Variants in BFAR observed in about 807,000 individuals in gnomAD.
BFAR encodes bifunctional apoptosis regulator.
BFAR carries 52 observed loss-of-function variants against 54.4 expected under a neutral mutation model. The ratio of observed to expected loss-of-function variants is 0.96; its 90% CI spans 0.77 to 1.21. The LOEUF is 1.21. BFAR is among the 50% of genes most tolerant of loss of function. The pLI, the probability that BFAR is intolerant of heterozygous loss-of-function variation, is 0.00. For missense variants in BFAR, 571 were observed against 534.0 expected (o/e 1.07, Z -0.68); for synonymous variants, 215 against 204.3 (o/e 1.05, Z -0.45).
chr16:14,646,034 A>G (rs1237418664), intron 2 of BFAR, among the ~76,000 whole-genome samples: 1 of 151,894 alleles, frequency 6.6e-6, no homozygotes, highest in East Asian at 1.9e-4. Context: ...ACGCCCAGCT[A>G]ATTTTTGGGT....
At chr16:14,648,144 C>T (rs1357227501) in intron 2 of BFAR, among the ~76,000 whole-genome samples, 2 of 152,144 alleles carry the variant, frequency 1.3e-5, no homozygotes, top group Non-Finnish European at 2.9e-5. Context: ...CACGCCATTG[C>T]ACTCCAGCCT....
In BFAR at chr16:14,665,011, T is replaced by G. The variant is rs1960402973; in HGVS notation, c.1100T>G (p.Met367Arg). 1 of 1,614,112 alleles carries G rather than the reference T, an allele frequency of 6.2e-7. No individual in the cohort carries two copies. The highest frequency in any genetic ancestry group is 1.3e-5 in the African/African-American group (1 of 75,054). Residue 367 changes from methionine (M) to arginine (R), a missense_variant, in exon 7 of 8, where the codon ATG becomes AGG. Transcript: ENST00000261658. ...WTSRFLIINA[M>R]LLSVLELFSF... is the part of the protein sequence containing the mutation. ...TCACGGTTTCTCATCATCAATGCTA[T>G]GTTACTCTCAGTTCTGGAATTATTC... is the stretch of plus-strand genomic sequence containing the variant.
In BFAR at chr16:14,667,762, A is replaced by C. The variant is rs1297963867; in HGVS notation, c.1288A>C (p.Asn430His). The change falls in exon 8 of 8, where the codon AAC (asparagine) becomes CAC (histidine). Residue 430 changes from asparagine to histidine, a missense_variant. Transcript: ENST00000261658. ...NCLFYWALYFNPIINIDLVVK... is the reference protein window; with the variant it reads ...NCLFYWALYFHPIINIDLVVK... ...TTTGTTTTACTGGGCCCTGTACTTT[A>C]ACCCAATTATTAACATTGATCTTGT... 1 of 1,613,974 alleles carries C rather than the reference A, an allele frequency of 6.2e-7. No individual in the cohort carries two copies. Among genetic ancestry groups the C allele is most frequent in the Non-Finnish European group, 8.5e-7 (1 of 1,180,024 alleles).
In BFAR at chr16:14,644,592, A is replaced by G. The variant is rs775720675; in HGVS notation, c.246A>G (p.Lys82=). 8 of 1,613,710 alleles carry G rather than the reference A, an allele frequency of 5.0e-6. No homozygotes were observed. The East Asian group carries it at 1.6e-4, about 31-fold the overall frequency. ...ECREKWEGFP[K]VSILLRDAIE... ...GAGAAAAATGGGAAGGTTTCCCCAAAGTCAGTATTCTCCTCAGGTAATGTT... is the reference window on the plus strand; with the variant it reads ...GAGAAAAATGGGAAGGTTTCCCCAAGGTCAGTATTCTCCTCAGGTAATGTT... The change falls in exon 2 of 8, where the codon AAA becomes AAG. Residue 82 remains lysine (K), a synonymous_variant. Transcript: ENST00000261658.
At chr16:14,633,349 C>G (rs1175086184) in intron 1 of BFAR, 1 of 152,398 alleles carries the variant, frequency 6.6e-6, no homozygotes, top group African/African-American at 2.4e-5. Flanking sequence ...GAGGAGGGGT[C>G]GCTTCCAAAC....
chr16:14,652,181 A>C (rs1320610417), intron 4 of BFAR, among the ~76,000 whole-genome samples: 1 of 151,436 alleles, frequency 6.6e-6, no homozygotes, highest in African/African-American at 2.4e-5. Flanking sequence ...CCACCGTGCT[A>C]GGCCTCCAAC....
chr16:14,655,582 C>T lies in BFAR; in HGVS notation c.783+372C>T, dbSNP rs549471957. The stretch of plus-strand genomic sequence containing the variant: ...ACCAGCAGCTGGGATTACAGGCACA[C>T]GCCACCACACCAGGCTAATGTTTAT... On this transcript the variant is annotated intron_variant, in intron 5 of 7. Coordinates refer to ENST00000261658, the MANE Select transcript of BFAR (RefSeq NM_016561.3). 9.2e-5 allele frequency among the ~76,000 whole-genome samples: 14 copies of T among 151,630 alleles called. No homozygotes were observed. The South Asian group carries it at 2.1e-3, about 23-fold the overall frequency.
At chr16:14,640,151 CAA>C (rs549719277) in intron 1 of BFAR, among the ~76,000 whole-genome samples, 31 of 110,076 alleles carry the variant, frequency 2.8e-4, no homozygotes, top group Admixed American at 4.8e-4. Context: ...GACCTAGCTC[CAA>C]AAAAAAAAAA....
At chr16:14,643,023 A>G (rs1273607575) in intron 1 of BFAR, among the ~76,000 whole-genome samples, 2 of 152,146 alleles carry the variant, frequency 1.3e-5, no homozygotes, top group Non-Finnish European at 2.9e-5. Flanking sequence ...TAAAAATACA[A>G]AAATTAAAGC....
Position 14,669,232 on chromosome 16 carries a change from A to G in BFAR, c.*1405A>G. ...AAATAAAGATTTCTATATAGATAAA[A>G]CCTATATGTAGAGAAAAAGCAATTG... is the stretch of plus-strand genomic sequence containing the variant. On this transcript the variant is annotated 3_prime_UTR_variant, in exon 8 of 8. Coordinates refer to ENST00000261658, the MANE Select transcript of BFAR (RefSeq NM_016561.3). The G allele has an allele frequency of 3.9e-6, 1 of 256,998 alleles. No individual in the cohort carries two copies. The highest frequency in any genetic ancestry group is 8.1e-6 in the Non-Finnish European group (1 of 124,172). 15.9% of individuals were successfully genotyped at this position (256,998 alleles called of 1,614,324 possible).
intron 5 of BFAR, among the ~76,000 whole-genome samples, chr16:14,657,933 G>T (rs1260555570): frequency 6.6e-6 from 1 of 152,078 alleles, no homozygotes; most frequent in Non-Finnish European, 1.5e-5. Context: ...ATGTTGCCCA[G>T]GCTGGTCTCA....
intron 1 of BFAR, among the ~76,000 whole-genome samples, chr16:14,636,051 C>T (rs983611455): frequency 6.6e-6 from 1 of 152,108 alleles, no homozygotes; most frequent in Non-Finnish European, 1.5e-5. Flanking sequence ...TGGGTGTGCA[C>T]TCTAGATATT....
intron 1 of BFAR, among the ~76,000 whole-genome samples, chr16:14,641,434 TTAA>T (rs751089958): frequency 6.6e-6 from 1 of 151,948 alleles, no homozygotes. Flanking sequence ...TAGTTAATAA[TTAA>T]TAACCAGCAT....
At chr16:14,653,488 C>T (rs554696796) in intron 4 of BFAR, among the ~76,000 whole-genome samples, 10 of 151,962 alleles carry the variant, frequency 6.6e-5, no homozygotes, top group South Asian at 2.1e-4. Flanking sequence ...CCACCATGCC[C>T]GCCTAATTTG....
intron 3 of BFAR, among the ~76,000 whole-genome samples, chr16:14,649,569 G>A (rs556409439): frequency 6.6e-6 from 1 of 152,200 alleles, no homozygotes; most frequent in East Asian, 1.9e-4. Context: ...TCCTTTTCTC[G>A]CCTCTGTGCC....
chr16:14,665,219 G>A, intron 7 of BFAR, 148 bp downstream of exon 7: 1 of 756,630 alleles, frequency 1.3e-6, no homozygotes, highest in Non-Finnish European at 2.1e-6. Flanking sequence ...AGCTTAAGCA[G>A]TGAATAGGAC....
At chr16:14,658,893 T>C (rs1387217129) in intron 5 of BFAR, among the ~76,000 whole-genome samples, 1 of 151,910 alleles carries the variant, frequency 6.6e-6, no homozygotes, top group Non-Finnish European at 1.5e-5. Flanking sequence ...CCTCCACCAA[T>C]TAATAGTAAT....
At chr16:14,647,585 A>T (rs1959838542) in intron 2 of BFAR, among the ~76,000 whole-genome samples, 1 of 151,976 alleles carries the variant, frequency 6.6e-6, no homozygotes. Context: ...GGAGGCTGAG[A>T]CATGAGAATC....
At chr16:14,657,620 A>G (rs1293572907) in intron 5 of BFAR, among the ~76,000 whole-genome samples, 15 of 152,090 alleles carry the variant, frequency 9.9e-5, no homozygotes, top group Middle Eastern at 3.4e-3. Context: ...TTAGCTCACT[A>G]CAACCTCTGC....
Sources: gnomAD v4.1 joint callset for allele counts (sites outside exome capture counted in the v4.1 genomes callset) on GRCh38, gnomAD v4.1.1 for gene constraint, MANE v1.5 for transcripts, NCBI Gene and HGNC (gene_info 2026-07-23, HGNC 2026-07-21) for gene names.